The following NELL1 variants were observed in gnomAD, a reference collection of about 807,000 sequenced individuals.
NELL1 encodes the protein neural EGFL like 1, also known as protein kinase C-binding protein NELL1.
Under a neutral mutation model 107.4 loss-of-function variants are expected in NELL1, and 76 were observed. That is an observed-to-expected ratio of 0.71 (90% CI 0.59 to 0.86). NELL1 has a LOEUF of 0.86. Among genes scored for constraint, NELL1 ranks in the 40% least tolerant of loss-of-function variants. The pLI is 0.00. For synonymous variants in NELL1, 353 were observed against 341.2 expected (o/e 1.03, Z -0.38); for missense variants, 1,024 against 1,005.5 (o/e 1.02, Z -0.25).
intron 15 of NELL1, among the ~76,000 whole-genome samples, chr11:21,488,020 C>A (rs1854685146): frequency 6.6e-6 from 1 of 151,658 alleles, no homozygotes; most frequent in Non-Finnish European, 1.5e-5. Flanking sequence ...ACTGGAACAC[C>A]CAGATTCATA....
At chr11:21,268,838 A>G (rs1590788616) in intron 14 of NELL1, among the ~76,000 whole-genome samples, 1 of 152,188 alleles carries the variant, frequency 6.6e-6, no homozygotes. Flanking sequence ...TGTGGCAGGA[A>G]TATTGGGAGT....
chr11:21,351,739 A>G (rs952371263), intron 14 of NELL1, among the ~76,000 whole-genome samples: 1 of 152,050 alleles, frequency 6.6e-6, no homozygotes, highest in East Asian at 1.9e-4. Flanking sequence ...CTCCTGAATT[A>G]TTGTAATAGC....
At chr11:21,385,556 C>A (rs1207177623) in intron 15 of NELL1, among the ~76,000 whole-genome samples, 1 of 151,806 alleles carries the variant, frequency 6.6e-6, no homozygotes, top group African/African-American at 2.4e-5. Flanking sequence ...CTAGTATAAA[C>A]CACTCATATT....
intron 2 of NELL1, among the ~76,000 whole-genome samples, chr11:20,704,161 G>A (rs997501184): frequency 6.6e-6 from 1 of 152,120 alleles, no homozygotes; most frequent in Non-Finnish European, 1.5e-5. Context: ...AGGTCTCTAA[G>A]GTCTTGCTTT....
intron 12 of NELL1, among the ~76,000 whole-genome samples, chr11:21,032,066 A>C (rs1214551508): frequency 8.2e-4 from 122 of 148,946 alleles, no homozygotes; most frequent in African/African-American, 2.7e-3. Flanking sequence ...AATAATAATA[A>C]TAATAATAAT....
At chr11:21,253,549 A>G (rs569831980) in intron 14 of NELL1, among the ~76,000 whole-genome samples, 5 of 152,244 alleles carry the variant, frequency 3.3e-5, no homozygotes, top group African/African-American at 1.2e-4. Context: ...TCAAATGCAG[A>G]TTCTCTGAAT....
intron 14 of NELL1, among the ~76,000 whole-genome samples, chr11:21,265,499 A>C (rs912927672): frequency 6.6e-6 from 1 of 152,064 alleles, no homozygotes; most frequent in Admixed American, 6.6e-5. Context: ...ATGGCATGAC[A>C]GGTGAGAAAT....
intron 12 of NELL1, among the ~76,000 whole-genome samples, chr11:20,988,372 C>CGT (rs1851894762): frequency 6.6e-6 from 1 of 150,574 alleles, no homozygotes; most frequent in African/African-American, 2.4e-5. Context: ...TATATACACA[C>CGT]GTACATATAT....
intron 12 of NELL1, among the ~76,000 whole-genome samples, chr11:20,975,909 T>A (rs1176547033): frequency 1.1e-5 from 1 of 93,952 alleles, no homozygotes; most frequent in African/African-American, 4.5e-5. Context: ...TATATGTGTA[T>A]TATATAAACA....
chr11:21,530,538 G>A (rs764869500), intron 15 of NELL1, among the ~76,000 whole-genome samples: 3 of 151,916 alleles, frequency 2.0e-5, no homozygotes, highest in Non-Finnish European at 4.4e-5. Context: ...AAAATTCATG[G>A]CACACGTAGG....
chr11:21,478,349 G>A (rs1290240902), intron 15 of NELL1, among the ~76,000 whole-genome samples: 1 of 152,038 alleles, frequency 6.6e-6, no homozygotes, highest in Non-Finnish European at 1.5e-5. Flanking sequence ...TCTGCCCCTG[G>A]TCTCTCCCAA....
intron 12 of NELL1, among the ~76,000 whole-genome samples, chr11:20,988,074 CT>C (rs1851888315): frequency 6.6e-6 from 1 of 152,148 alleles, no homozygotes; most frequent in South Asian, 2.1e-4. Context: ...TACTTCAGAA[CT>C]TAAATATGTT....
intron 14 of NELL1, among the ~76,000 whole-genome samples, chr11:21,264,898 C>T (rs1848606918): frequency 6.6e-6 from 1 of 151,764 alleles, no homozygotes; most frequent in Admixed American, 6.6e-5. Context: ...AAATAGAGAG[C>T]AGTTGAAGAA....
chr11:21,565,673 AT>A (rs1564963963), intron 17 of NELL1, among the ~76,000 whole-genome samples: 1 of 151,944 alleles, frequency 6.6e-6, no homozygotes, highest in Non-Finnish European at 1.5e-5. Flanking sequence ...CAAAAGGTGC[AT>A]CACAGTGGAA....
chr11:20,863,556 C>T (rs538088549), intron 4 of NELL1, among the ~76,000 whole-genome samples: 24 of 150,486 alleles, frequency 1.6e-4, no homozygotes, highest in South Asian at 4.3e-4. Flanking sequence ...GATGGGCAGC[C>T]GGGCAGAGAC....
intron 13 of NELL1, among the ~76,000 whole-genome samples, chr11:21,187,826 C>T (rs1185679464): frequency 6.6e-6 from 1 of 151,870 alleles, no homozygotes; most frequent in Non-Finnish European, 1.5e-5. Flanking sequence ...AGATTATAGA[C>T]TTTTAGAGCA....
intron 13 of NELL1, among the ~76,000 whole-genome samples, chr11:21,178,852 GA>G (rs1241456270): frequency 4.6e-5 from 7 of 151,650 alleles, no homozygotes. Context: ...TTGAGTAAAT[GA>G]AAATGGAGGT....
intron 15 of NELL1, among the ~76,000 whole-genome samples, chr11:21,484,297 C>T (rs73469147): frequency 0.14 from 21,467 of 151,200 alleles, 2,594 homozygotes; most frequent in African/African-American, 0.32. Context: ...TCCTTATGCC[C>T]CGAGAAACCA....
At chr11:21,119,142 T>G (rs1855303012) in intron 13 of NELL1, among the ~76,000 whole-genome samples, 1 of 152,050 alleles carries the variant, frequency 6.6e-6, no homozygotes, top group African/African-American at 2.4e-5. Context: ...AATCAATCCC[T>G]CTTTGAAATC....
Sources: gnomAD v4.1 joint callset for allele counts (sites outside exome capture counted in the v4.1 genomes callset) on GRCh38, gnomAD v4.1.1 for gene constraint, MANE v1.5 for transcripts, NCBI Gene and HGNC (gene_info 2026-07-23, HGNC 2026-07-21) for gene names.